Variants in PTPRD observed in about 807,000 individuals in gnomAD.
PTPRD encodes receptor-type tyrosine-protein phosphatase delta.
Under a neutral mutation model 214.5 loss-of-function variants are expected in PTPRD, and 34 were observed. The observed-to-expected ratio is 0.16, with a 90% confidence interval of 0.12 to 0.21. The LOEUF is 0.21. PTPRD is among the 10% of genes least tolerant of loss of function. PTPRD has a pLI of 1.00. For missense variants in PTPRD, 2,545 were observed against 2,398.7 expected, an observed-to-expected ratio of 1.06 and a Z score of -1.27; for synonymous variants, 1,128 against 845.7, an observed-to-expected ratio of 1.33 and a Z score of -5.79.
At chr9:8,715,575 C>A (rs1206350280) in intron 12 of PTPRD, among the ~76,000 whole-genome samples, 1 of 152,148 alleles carries the variant, frequency 6.6e-6, no homozygotes, top group Non-Finnish European at 1.5e-5. Flanking sequence ...TATTTAAAAA[C>A]CAATGCTCTT....
chr9:9,730,817 G>A (rs1032116193), intron 7 of PTPRD, among the ~76,000 whole-genome samples: 2 of 152,094 alleles, frequency 1.3e-5, no homozygotes, highest in Non-Finnish European at 2.9e-5. Context: ...TTTACAAAGT[G>A]AGACTGGAAG....
At chr9:8,587,196 TAA>T (rs1174796920) in intron 14 of PTPRD, among the ~76,000 whole-genome samples, 1 of 152,134 alleles carries the variant, frequency 6.6e-6, no homozygotes, top group Non-Finnish European at 1.5e-5. Flanking sequence ...CTAGAAATAT[TAA>T]GAGACCAGGG....
intron 39 of PTPRD, 27 bp downstream of exon 39, chr9:8,375,909 G>A: frequency 4.4e-6 from 7 of 1,596,538 alleles, no homozygotes; most frequent in Non-Finnish European, 6.0e-6. Flanking sequence ...TCTGTTTCCT[G>A]ACTGCAAGTG....
At chr9:10,445,498 G>A (rs77508915) in intron 2 of PTPRD, among the ~76,000 whole-genome samples, 12,119 of 152,090 alleles carry the variant, frequency 0.08, 809 homozygotes, top group African/African-American at 0.17. Context: ...AACAGAAATG[G>A]AAAGAAAGGA....
chr9:9,006,443 A>G (rs1342755547), intron 11 of PTPRD, among the ~76,000 whole-genome samples: 1 of 152,074 alleles, frequency 6.6e-6, no homozygotes, highest in Non-Finnish European at 1.5e-5. Flanking sequence ...TGGTATTTAC[A>G]AATTTAATTT....
chr9:9,505,310 T>C (rs1569568876), intron 8 of PTPRD, among the ~76,000 whole-genome samples: 1 of 151,608 alleles, frequency 6.6e-6, no homozygotes, highest in East Asian at 1.9e-4. Flanking sequence ...TCTTTATAGA[T>C]CATTTCATAT....
intron 12 of PTPRD, among the ~76,000 whole-genome samples, chr9:8,648,115 T>G (rs2096732405): frequency 6.6e-6 from 1 of 152,154 alleles, no homozygotes; most frequent in Admixed American, 6.5e-5. Context: ...GACCATAACG[T>G]GGGTCAGAGC....
chr9:9,908,917 T>A (rs754026320), intron 5 of PTPRD, among the ~76,000 whole-genome samples: 1 of 151,998 alleles, frequency 6.6e-6, no homozygotes, highest in Non-Finnish European at 1.5e-5. Flanking sequence ...CAAAATATTA[T>A]ACAGAGAGAA....
intron 9 of PTPRD, among the ~76,000 whole-genome samples, chr9:9,397,006 A>C (rs1259059434): frequency 6.6e-6 from 1 of 152,034 alleles, no homozygotes. Flanking sequence ...ATATAAGGCA[A>C]TTATGTAAGC....
intron 2 of PTPRD, among the ~76,000 whole-genome samples, chr9:10,549,102 T>C (rs1164056287): frequency 6.6e-6 from 1 of 152,198 alleles, no homozygotes; most frequent in African/African-American, 2.4e-5. Flanking sequence ...ATAGACACTT[T>C]GTCTTATCAA....
At chr9:8,528,810 G>T (rs1241899737) in intron 14 of PTPRD, 31 bp from the exon 15 acceptor site, 1 of 1,603,742 alleles carries the variant, frequency 6.2e-7, no homozygotes, top group South Asian at 1.1e-5. Flanking sequence ...GAAACATTCA[G>T]TTAATAAGTC....
chr9:10,506,157 C>G (rs1023928997), intron 2 of PTPRD, among the ~76,000 whole-genome samples: 2 of 152,066 alleles, frequency 1.3e-5, no homozygotes, highest in South Asian at 4.1e-4. Flanking sequence ...TCCAGAAGAA[C>G]AGATGGGTAA....
intron 3 of PTPRD, among the ~76,000 whole-genome samples, chr9:10,280,548 T>G (rs553397883): frequency 6.6e-6 from 1 of 152,298 alleles, no homozygotes; most frequent in South Asian, 2.1e-4. Flanking sequence ...ACGAAGATCC[T>G]GTTACTGGGC....
intron 13 of PTPRD, 69 bp from the exon 14 acceptor site, chr9:8,633,527 T>TA: frequency 3.2e-6 from 5 of 1,550,596 alleles, no homozygotes; most frequent in Non-Finnish European, 4.4e-6. Flanking sequence ...AAGCTCTCAA[T>TA]ACAGTGGTGG....
chr9:10,559,854 A>G (rs1013903854), intron 2 of PTPRD, among the ~76,000 whole-genome samples: 1 of 152,110 alleles, frequency 6.6e-6, no homozygotes, highest in African/African-American at 2.4e-5. Flanking sequence ...CAAAACCACA[A>G]TGAGATATCA....
rs775574124 is a variant in PTPRD at position 9,042,614 on chromosome 9, CT to C, written c.-142-23880del. ...CCACTTAGCATTTTTTCTTTTTTTT[CT>C]TTTCTTTTTTTTTTTTTTTGGTCTA... On this transcript the variant is annotated intron_variant, in intron 10 of 45. Coordinates refer to ENST00000381196, the MANE Select transcript of PTPRD (RefSeq NM_002839.4). Among the ~76,000 whole-genome samples, 195 of 112,452 alleles carry C rather than the reference CT, an allele frequency of 1.7e-3. 2 individuals are homozygous for C. Among genetic ancestry groups the C allele is most frequent in the African/African-American group, 5.9e-3 (162 of 27,596 alleles). 73.8% of individuals were successfully genotyped at this position (112,452 alleles called of 152,430 possible). A position where few individuals can be genotyped will look rare whatever the true frequency, so the allele number is the denominator to read the frequency against.
chr9:9,969,423 G>A (rs752553263), intron 4 of PTPRD, among the ~76,000 whole-genome samples: 4 of 152,140 alleles, frequency 2.6e-5, no homozygotes, highest in South Asian at 2.1e-4. Context: ...AGAGGGTACT[G>A]TAGTCAAATG....
At chr9:8,679,394 C>G (rs2097505046) in intron 12 of PTPRD, among the ~76,000 whole-genome samples, 1 of 152,152 alleles carries the variant, frequency 6.6e-6, no homozygotes, top group Non-Finnish European at 1.5e-5. Context: ...AATGTGTGAT[C>G]CTTGATGGTC....
chr9:8,366,351 T>A (rs2079874846), intron 39 of PTPRD, among the ~76,000 whole-genome samples: 1 of 152,144 alleles, frequency 6.6e-6, no homozygotes, highest in African/African-American at 2.4e-5. Context: ...AACACTTAAC[T>A]GCTGCCTCTC....
Sources: allele counts gnomAD v4.1 joint callset (sites outside exome capture counted in the v4.1 genomes callset), GRCh38; gene constraint gnomAD v4.1.1; transcripts MANE v1.5; gene names NCBI Gene and HGNC (gene_info 2026-07-23, HGNC 2026-07-21).